AKAP9: variants seen among roughly 807,000 people sequenced by gnomAD.
AKAP9 encodes the protein A-kinase anchor protein 9.
A neutral mutation model predicts 488.5 loss-of-function variants in AKAP9; 311 were observed. The ratio of observed to expected loss-of-function variants is 0.64; its 90% CI spans 0.58 to 0.70. The LOEUF (loss-of-function observed/expected upper bound fraction) is 0.70. AKAP9 is among the 30% of genes least tolerant of loss of function. The pLI is 0.00. For synonymous variants in AKAP9, 1,462 were observed against 1,483.5 expected, an observed-to-expected ratio of 0.99 and a Z score of 0.33; for missense variants, 4,215 against 4,374.5, an observed-to-expected ratio of 0.96 and a Z score of 1.03.
intron 35 of AKAP9, 61 bp downstream of exon 35, chr7:92,085,001 C>T: frequency 6.4e-7 from 1 of 1,567,936 alleles, no homozygotes; most frequent in Non-Finnish European, 8.8e-7. Flanking sequence ...TTGAACATAG[C>T]AGTTCATTAG....
At chr7:92,059,751 G>T (rs1809426343) in intron 22 of AKAP9, among the ~76,000 whole-genome samples, 1 of 151,630 alleles carries the variant, frequency 6.6e-6, no homozygotes, top group Admixed American at 6.6e-5. Flanking sequence ...AATATGGATT[G>T]TGACTGTAAA....
In AKAP9 at chr7:92,098,129, A is replaced by G. The variant is rs1816924594; in HGVS notation, c.10628A>G (p.Asp3543Gly). ...TGAAGACTACAGTTTGAAACAGCAG[A>G]TGATGAAGATTTCATTTGGGTTCAG... ...ASERLQFETA[D>G]DEDFIWVQEN... Residue 3543 changes from aspartate (D) to glycine (G), a missense_variant, in exon 43 of 50, where the codon GAT (aspartate) becomes GGT (glycine). Transcript: ENST00000356239. 4 of 1,610,606 alleles carry G rather than the reference A, an allele frequency of 2.5e-6. No individual in the cohort carries two copies. Among genetic ancestry groups the G allele is most frequent in the Admixed American group, 1.7e-5 (1 of 59,952 alleles).
chr7:91,990,141 G>A (rs2130626753), intron 3 of AKAP9, among the ~76,000 whole-genome samples: 2 of 152,122 alleles, frequency 1.3e-5, no homozygotes, highest in African/African-American at 4.8e-5. Context: ...TTCAACAAAT[G>A]CCACAATAAA....
intron 1 of AKAP9, among the ~76,000 whole-genome samples, chr7:91,973,151 G>A (rs969476892): frequency 2.0e-5 from 3 of 152,162 alleles, no homozygotes; most frequent in Admixed American, 1.3e-4. Flanking sequence ...TGAGGCAGGC[G>A]AATTGCTTGA....
At chr7:91,969,662 C>A (rs1441790432) in intron 1 of AKAP9, among the ~76,000 whole-genome samples, 1 of 152,006 alleles carries the variant, frequency 6.6e-6, no homozygotes, top group African/African-American at 2.4e-5. Flanking sequence ...ATATAATGAC[C>A]TTCTTTGTCT....
intron 20 of AKAP9, among the ~76,000 whole-genome samples, chr7:92,044,442 A>ATCGC (rs1806620845): frequency 6.6e-6 from 1 of 152,214 alleles, no homozygotes; most frequent in South Asian, 2.1e-4. Context: ...TTAAAAACAC[A>ATCGC]TCGCTGCCTA....
At chr7:92,018,076 A>G (rs28410528) in intron 12 of AKAP9, among the ~76,000 whole-genome samples, 60,985 of 152,154 alleles carry the variant, frequency 0.4, 12,533 homozygotes, top group African/African-American at 0.46. Flanking sequence ...AAGAAGGCCA[A>G]GTGAAACCTG....
rs1809791146 is a variant in AKAP9 at position 92,061,545 on chromosome 7, G to C, written c.5764+123G>C. ...TTAGAATGACCATTAAAAAGTACTT[G>C]TGGTTTATCTTCAGAGTTCCTCCAA... On this transcript the variant is annotated intron_variant, in intron 23 of 49. Transcript: ENST00000356239. 3.3e-6 allele frequency: 3 copies of C among 897,738 alleles called. No homozygotes were observed. The African/African-American group carries it at 5.4e-5, about 16-fold the overall frequency. 55.6% of individuals were successfully genotyped at this position (897,738 alleles called of 1,614,324 possible). A position where few individuals can be genotyped will look rare whatever the true frequency, so the allele number is the denominator to read the frequency against.
intron 28 of AKAP9, among the ~76,000 whole-genome samples, chr7:92,073,076 AT>A (rs1052608692): frequency 2.0e-5 from 3 of 152,178 alleles, no homozygotes; most frequent in Non-Finnish European, 2.9e-5. Flanking sequence ...GCCATTCAAC[AT>A]TTAGTGAGCT....
Position 92,070,208 on chromosome 7 carries a change from T to A in AKAP9, c.6507+2T>A. 1 of 1,613,932 alleles carries A rather than the reference T, an allele frequency of 6.2e-7. No individual in the cohort carries two copies. Among genetic ancestry groups the A allele is most frequent in the Non-Finnish European group, 8.5e-7 (1 of 1,179,894 alleles). ...GTGAGTGCAGATACTTTTCAAAAGG[T>A]GTGGCATTTTATTTGGGCTAACTTA... On this transcript the variant is annotated splice_donor_variant, in intron 27 of 49. Transcript: ENST00000356239. LOFTEE classifies it high-confidence loss of function.
At chr7:91,961,151 AT>A (rs1793683166) in intron 1 of AKAP9, among the ~76,000 whole-genome samples, 1 of 152,028 alleles carries the variant, frequency 6.6e-6, no homozygotes, top group Non-Finnish European at 1.5e-5. Flanking sequence ...TTGAATTGAC[AT>A]TATAAAAACT....
At chr7:92,055,179 A>T (rs541942665) in intron 22 of AKAP9, among the ~76,000 whole-genome samples, 2 of 152,170 alleles carry the variant, frequency 1.3e-5, no homozygotes. Context: ...GCTTCCTAAT[A>T]CTTGTTTTTA....
Position 92,089,404 on chromosome 7 carries a change from C to T in AKAP9, c.9233C>T (p.Ala3078Val). Residue 3078 changes from alanine (A) to valine (V), a missense_variant, in exon 38 of 50, where the codon GCT (alanine) becomes GTT (valine). Transcript: ENST00000356239. ...IQEQGVEYQA[A>V]MECLQKADRR... is the part of the protein sequence containing the mutation. ...TTACAGGGTGTTGAATATCAAGCAG[C>T]TATGGAATGCCTCCAGAAAGCAGAT... The T allele has an allele frequency of 6.2e-7, 1 of 1,611,796 alleles. No homozygotes were observed. Among genetic ancestry groups the T allele is most frequent in the African/African-American group, 1.3e-5 (1 of 74,948 alleles).
At chr7:91,976,615 A>G (rs761239492) in intron 2 of AKAP9, among the ~76,000 whole-genome samples, 1 of 152,234 alleles carries the variant, frequency 6.6e-6, no homozygotes, top group Non-Finnish European at 1.5e-5. Flanking sequence ...AAGATGTTAC[A>G]GCACACATTT....
intron 16 of AKAP9, among the ~76,000 whole-genome samples, chr7:92,037,232 T>C (rs562216973): frequency 6.6e-6 from 1 of 152,336 alleles, no homozygotes; most frequent in African/African-American, 2.4e-5. Flanking sequence ...AAAGTGAGCT[T>C]AGGCAAGATT....
In AKAP9 at chr7:92,085,581, T is replaced by G. The variant is rs1312515973; in HGVS notation, c.8919T>G (p.Ile2973Met). 13 of 1,613,866 alleles carry G rather than the reference T, an allele frequency of 8.1e-6. No individual in the cohort carries two copies. Among genetic ancestry groups the G allele is most frequent in the Non-Finnish European group, 1.0e-5 (12 of 1,179,912 alleles). ...ATAGTGATGGAGAGGACCATTCTAT[T>G]CAGCAGGTTTCAGAACCTTGGCTAG... Reference protein sequence around the residue: ...SPYSDGEDHSIQQVSEPWLEE... With the variant: ...SPYSDGEDHSMQQVSEPWLEE... Residue 2973 changes from isoleucine to methionine, a missense_variant, in exon 36 of 50, where the codon ATT (isoleucine) becomes ATG (methionine). Coordinates refer to ENST00000356239, the MANE Select transcript of AKAP9 (RefSeq NM_005751.5).
chr7:92,080,299 T>C, intron 31 of AKAP9, 147 bp downstream of exon 31: 1 of 776,078 alleles, frequency 1.3e-6, no homozygotes, highest in South Asian at 2.3e-5. Context: ...AAATAAACTC[T>C]TGTTAAAAGA....
At chr7:91,978,104 T>C (rs1011113667) in intron 2 of AKAP9, among the ~76,000 whole-genome samples, 5 of 151,914 alleles carry the variant, frequency 3.3e-5, no homozygotes, top group African/African-American at 1.2e-4. Flanking sequence ...TAACTGGGCA[T>C]GTTGGTGCGT....
At position 91,947,175 on chromosome 7, in the gene AKAP9, CGTGT is replaced by C. The variant is rs10575647; in HGVS notation, c.48+6046_48+6049del. 1.7e-4 allele frequency among the ~76,000 whole-genome samples: 25 copies of C among 147,614 alleles called. No homozygotes were observed. In the South Asian group the frequency reaches 1.7e-3, roughly 10 times the overall value. On this transcript the variant is annotated intron_variant, in intron 1 of 49. Transcript: ENST00000356239. ...TGTCTGGGGTGTGTGTGTGTGTGTG[CGTGT>C]GTGTGTGTGTGTGTGTGCTGGAGAG...
Sources: gnomAD v4.1 joint callset for allele counts (sites outside exome capture counted in the v4.1 genomes callset) on GRCh38, gnomAD v4.1.1 for gene constraint, MANE v1.5 for transcripts, NCBI Gene and HGNC (gene_info 2026-07-23, HGNC 2026-07-21) for gene names.